The following DIP2C variants were observed in gnomAD, a reference collection of about 807,000 sequenced individuals.
DIP2C encodes DIP2 acetate--CoA ligase C (putative).
DIP2C carries 33 observed loss-of-function variants against 192.4 expected under a neutral mutation model. The ratio of observed to expected loss-of-function variants is 0.17; its 90% CI spans 0.13 to 0.23. DIP2C has a LOEUF of 0.23. Ranked by LOEUF, DIP2C falls within the 10% of genes least tolerant of loss-of-function variation. The pLI, the probability that DIP2C is intolerant of heterozygous loss-of-function variation, is 1.00. For missense variants in DIP2C, 1,537 were observed against 2,110.1 expected (o/e 0.73, Z 5.32); for synonymous variants, 979 against 864.1 (o/e 1.13, Z -2.33).
In DIP2C at chr10:559,769, C is replaced by G. The variant is rs528088575; in HGVS notation, c.86-73239G>C. The stretch of plus-strand genomic sequence containing the variant: ...ACAACCCACCCCAGAGGAGGAAGCC[C>G]AGCCCCGGAGCCCCATGGCCCCGGC... On this transcript the variant is annotated intron_variant, in intron 1 of 36. Coordinates refer to ENST00000280886, the MANE Select transcript of DIP2C (RefSeq NM_014974.3). Among the ~76,000 whole-genome samples the G allele has an allele frequency of 6.6e-5, 10 of 152,346 alleles. No individual in the cohort carries two copies. The East Asian group carries it at 1.9e-3, about 29-fold the overall frequency.
chr10:584,986 A>AC (rs1404268697), intron 1 of DIP2C, among the ~76,000 whole-genome samples: 55 of 111,686 alleles, frequency 4.9e-4, no homozygotes, highest in Middle Eastern at 6.4e-3. Context: ...CACGCGCATC[A>AC]CCTCTCAGAT....
intron 1 of DIP2C, among the ~76,000 whole-genome samples, chr10:659,018 C>T (rs1479114209): frequency 1.3e-5 from 2 of 152,092 alleles, no homozygotes; most frequent in Admixed American, 6.5e-5. Flanking sequence ...CACACATGCA[C>T]ACACATTCAC....
intron 13 of DIP2C, among the ~76,000 whole-genome samples, chr10:389,149 G>C (rs957872101): frequency 6.6e-6 from 1 of 151,084 alleles, no homozygotes; most frequent in Non-Finnish European, 1.5e-5. Context: ...GGGGCATGGG[G>C]GTTCTCTGGG....
At chr10:444,077 G>A (rs2133283516) in intron 3 of DIP2C, among the ~76,000 whole-genome samples, 1 of 152,282 alleles carries the variant, frequency 6.6e-6, no homozygotes, top group African/African-American at 2.4e-5. Context: ...CGTGTTCACT[G>A]GTGCTCTTCC....
intron 1 of DIP2C, among the ~76,000 whole-genome samples, chr10:551,446 G>A (rs1006739582): frequency 1.3e-5 from 2 of 152,314 alleles, no homozygotes; most frequent in African/African-American, 2.4e-5. Flanking sequence ...GGCTTCTCCT[G>A]GCCCCCGAGG....
intron 1 of DIP2C, among the ~76,000 whole-genome samples, chr10:592,947 C>T (rs1346200969): frequency 6.6e-6 from 1 of 152,118 alleles, no homozygotes; most frequent in Non-Finnish European, 1.5e-5. Context: ...AACACGAGGT[C>T]ACTGTTATTT....
intron 1 of DIP2C, chr10:663,989 C>T (rs1177786501): frequency 2.0e-5 from 3 of 151,336 alleles, no homozygotes; most frequent in Admixed American, 6.6e-5. Context: ...AGGACAGCCT[C>T]CTCCCAGGAG....
intron 4 of DIP2C, among the ~76,000 whole-genome samples, chr10:427,477 G>C (rs1371498008): frequency 6.6e-6 from 1 of 152,186 alleles, no homozygotes; most frequent in Admixed American, 6.5e-5. Flanking sequence ...CTACAGAACA[G>C]TTTGTCCTTT....
At chr10:333,813 A>G (rs1206021767) in intron 29 of DIP2C, among the ~76,000 whole-genome samples, 1 of 152,196 alleles carries the variant, frequency 6.6e-6, no homozygotes, top group Non-Finnish European at 1.5e-5. Flanking sequence ...GAGCTCTCCA[A>G]CTTTATTTCC....
At chr10:557,421 G>A (rs1008411078) in intron 1 of DIP2C, among the ~76,000 whole-genome samples, 4 of 151,556 alleles carry the variant, frequency 2.6e-5, no homozygotes, top group Non-Finnish European at 5.9e-5. Flanking sequence ...CTAGGTTTTG[G>A]AGTCACTTGT....
chr10:353,903 G>A lies in DIP2C; in HGVS notation c.2985+2523C>T, dbSNP rs141891392. On this transcript the variant is annotated intron_variant, in intron 24 of 36. Coordinates refer to ENST00000280886, the MANE Select transcript of DIP2C (RefSeq NM_014974.3). ...GAAAATGCATGATTCTGTATGTGGC[G>A]TGTACTGAGTTTCCGCTGGACGGTG... Among the ~76,000 whole-genome samples, 1,517 of 152,272 alleles carry A rather than the reference G, an allele frequency of 1.0e-2. 12 individuals carry two copies. The highest frequency in any genetic ancestry group is 0.014 in the Non-Finnish European group (943 of 68,030).
chr10:570,938 C>T (rs150726036), intron 1 of DIP2C, among the ~76,000 whole-genome samples: 210 of 152,366 alleles, frequency 1.4e-3, no homozygotes, highest in African/African-American at 4.7e-3. Flanking sequence ...CTCTGCTCAA[C>T]AGACGTTATT....
intron 2 of DIP2C, among the ~76,000 whole-genome samples, chr10:485,232 C>T (rs960987241): frequency 6.6e-6 from 1 of 152,240 alleles, no homozygotes; most frequent in African/African-American, 2.4e-5. Context: ...AGTCAGACCC[C>T]ACCTTCTGCA....
At chr10:650,007 C>T (rs1245927251) in intron 1 of DIP2C, 2 of 655,218 alleles carry the variant, frequency 3.1e-6, no homozygotes, top group African/African-American at 3.6e-5. Context: ...TTCACATCAA[C>T]AATTCCTTAT....
intron 16 of DIP2C, among the ~76,000 whole-genome samples, chr10:383,491 A>G (rs2132892350): frequency 6.6e-6 from 1 of 152,322 alleles, no homozygotes; most frequent in African/African-American, 2.4e-5. Context: ...TATTTATAGT[A>G]TTCTGTGGAG....
intron 34 of DIP2C, among the ~76,000 whole-genome samples, chr10:283,871 CATATATTGCA>C (rs1954963824): frequency 6.6e-6 from 1 of 152,064 alleles, no homozygotes; most frequent in African/African-American, 2.4e-5. Context: ...TACTTTTGGA[CATATATTGCA>C]ATAAAACAAC....
intron 10 of DIP2C, among the ~76,000 whole-genome samples, chr10:393,845 C>T (rs1355323439): frequency 7.1e-6 from 1 of 141,776 alleles, no homozygotes; most frequent in Non-Finnish European, 1.5e-5. Context: ...AAAAAACAAC[C>T]CACAAGGAGA....
chr10:364,815 C>G, intron 19 of DIP2C: 3 of 624,576 alleles, frequency 4.8e-6, no homozygotes, highest in Non-Finnish European at 8.8e-6. Context: ...CTCCACTCAC[C>G]TGCTGGAGCC....
chr10:509,405 G>T (rs1404925569), intron 1 of DIP2C, among the ~76,000 whole-genome samples: 1 of 152,134 alleles, frequency 6.6e-6, no homozygotes, highest in Non-Finnish European at 1.5e-5. Context: ...GTCCTTCCCT[G>T]GATCCATCCG....
Sources: gnomAD v4.1 joint callset for allele counts (sites outside exome capture counted in the v4.1 genomes callset) on GRCh38, gnomAD v4.1.1 for gene constraint, MANE v1.5 for transcripts, NCBI Gene and HGNC (gene_info 2026-07-23, HGNC 2026-07-21) for gene names.